The following METTL16 variants were observed in gnomAD, a reference collection of about 807,000 sequenced individuals.
METTL16 encodes the protein RNA N(6)-adenosine-methyltransferase METTL16.
Under a neutral mutation model 57.9 loss-of-function variants are expected in METTL16, and 19 were observed. The observed-to-expected ratio is 0.33, with a 90% CI of 0.23 to 0.48. METTL16 has a LOEUF of 0.48. METTL16 is among the 20% of genes least tolerant of loss of function. The probability of loss-of-function intolerance (pLI) is 0.99; values close to 1 mark genes in which losing one functional copy is unlikely to be tolerated. For missense variants in METTL16, 434 were observed against 691.5 expected (o/e 0.63, Z 4.18); for synonymous variants, 246 against 255.6 (o/e 0.96, Z 0.36).
intron 8 of METTL16, among the ~76,000 whole-genome samples, chr17:2,428,544 A>T (rs2066837956): frequency 1.7e-5 from 1 of 58,908 alleles, no homozygotes; most frequent in East Asian, 5.4e-4. Flanking sequence ...AAAAAAAAAA[A>T]AAAAAAAAAA....
At chr17:2,448,631 A>G (rs1218409080) in intron 6 of METTL16, among the ~76,000 whole-genome samples, 1 of 102,780 alleles carries the variant, frequency 9.7e-6, no homozygotes, top group Non-Finnish European at 1.9e-5. Flanking sequence ...TCCTCTGCCT[A>G]GGAAAACCAG....
intron 8 of METTL16, among the ~76,000 whole-genome samples, chr17:2,423,867 C>T (rs1372954822): frequency 1.3e-5 from 2 of 152,178 alleles, no homozygotes; most frequent in Admixed American, 6.5e-5. Flanking sequence ...GAAAATACAT[C>T]TTTACCAACC....
At chr17:2,447,758 G>T (rs1474059707) in intron 6 of METTL16, among the ~76,000 whole-genome samples, 9 of 136,100 alleles carry the variant, frequency 6.6e-5, no homozygotes, top group Non-Finnish European at 1.4e-4. Flanking sequence ...GGAGGTGGGG[G>T]GATCAGCCCC....
intron 8 of METTL16, among the ~76,000 whole-genome samples, chr17:2,423,261 GGT>G (rs58486923): frequency 0.068 from 9,706 of 143,584 alleles, 318 homozygotes; most frequent in Non-Finnish European, 0.083. Context: ...AAAAACAAAG[GGT>G]GTGTGTGTGT....
At chr17:2,499,184 C>G (rs1398803573) in intron 2 of METTL16, among the ~76,000 whole-genome samples, 1 of 151,564 alleles carries the variant, frequency 6.6e-6, no homozygotes, top group African/African-American at 2.4e-5. Flanking sequence ...TATAAACTAG[C>G]GTGTGACTGT....
chr17:2,428,564 A>ATAT (rs1293636939), intron 8 of METTL16, among the ~76,000 whole-genome samples: 1 of 31,336 alleles, frequency 3.2e-5, no homozygotes, highest in Non-Finnish European at 5.0e-5. Context: ...AAAAAAAAAA[A>ATAT]ATATATATAT....
intron 3 of METTL16, among the ~76,000 whole-genome samples, chr17:2,475,928 T>C (rs1456477549): frequency 6.6e-6 from 1 of 152,182 alleles, no homozygotes; most frequent in East Asian, 1.9e-4. Context: ...CCAACTAGGC[T>C]GTCAAGCTTT....
At chr17:2,486,697 G>A (rs2067343948) in intron 2 of METTL16, among the ~76,000 whole-genome samples, 1 of 152,010 alleles carries the variant, frequency 6.6e-6, no homozygotes. Flanking sequence ...TAAAGGCTGG[G>A]TGTGGTGGCT....
At chr17:2,422,496 C>G (rs1405760538) in intron 8 of METTL16, among the ~76,000 whole-genome samples, 1 of 151,982 alleles carries the variant, frequency 6.6e-6, no homozygotes, top group South Asian at 2.1e-4. Flanking sequence ...TCTCCTGCCT[C>G]AGCCTCCCAA....
At chr17:2,482,457 ATGTAAGTGTT>A (rs1197162827) in intron 2 of METTL16, among the ~76,000 whole-genome samples, 2 of 152,220 alleles carry the variant, frequency 1.3e-5, no homozygotes, top group African/African-American at 4.8e-5. Flanking sequence ...ACATAATAAA[ATGTAAGTGTT>A]TACAAACCAC....
At chr17:2,421,312 G>A (rs749260695) in intron 8 of METTL16, among the ~76,000 whole-genome samples, 3 of 151,966 alleles carry the variant, frequency 2.0e-5, no homozygotes, top group Non-Finnish European at 2.9e-5. Flanking sequence ...CTCTGATTGC[G>A]CCACCGCAAT....
intron 2 of METTL16, among the ~76,000 whole-genome samples, chr17:2,479,796 G>C (rs2067291916): frequency 6.6e-6 from 1 of 152,110 alleles, no homozygotes; most frequent in African/African-American, 2.4e-5. Flanking sequence ...TTCTAGTATG[G>C]AAGTTAGGAG....
chr17:2,426,555 C>T (rs936251715), intron 8 of METTL16, among the ~76,000 whole-genome samples: 1 of 151,082 alleles, frequency 6.6e-6, no homozygotes, highest in Admixed American at 6.6e-5. Context: ...ATGGTGAAAC[C>T]CCATCTCTAC....
rs1567876454 is a variant in METTL16, at chr17:2,417,087, A to ATTTTTTTTTTTTTTTT, written c.*2882_*2883insAAAAAAAAAAAAAAAA. On this transcript the variant is annotated 3_prime_UTR_variant, in exon 10 of 10. Transcript: ENST00000263092. ...TTTTTTTTTTTTTTTTTTTTTTTTG[A>ATTTTTTTTTTTTTTTT]GACAGTCCCACTTTGTCGCCCAGGC... 1 of 11,366 alleles carries ATTTTTTTTTTTTTTTT rather than the reference A, an allele frequency of 8.8e-5. No homozygotes were observed. Among genetic ancestry groups the ATTTTTTTTTTTTTTTT allele is most frequent in the African/African-American group, 3.0e-4 (1 of 3,386 alleles). 0.7% of individuals were successfully genotyped at this position (11,366 alleles called of 1,614,324 possible).
At chr17:2,458,549 TA>T (rs1479084593) in intron 6 of METTL16, among the ~76,000 whole-genome samples, 4 of 152,050 alleles carry the variant, frequency 2.6e-5, no homozygotes, top group African/African-American at 9.6e-5. Context: ...CTGACTCTAA[TA>T]AAAATACAAA....
At chr17:2,500,718 T>C (rs1329960638) in intron 2 of METTL16, among the ~76,000 whole-genome samples, 1 of 152,230 alleles carries the variant, frequency 6.6e-6, no homozygotes, top group African/African-American at 2.4e-5. Flanking sequence ...GGAATGCAGT[T>C]AGAGATAGTT....
At chr17:2,479,632 G>C (rs2067290545) in intron 2 of METTL16, among the ~76,000 whole-genome samples, 1 of 152,062 alleles carries the variant, frequency 6.6e-6, no homozygotes, top group Admixed American at 6.6e-5. Flanking sequence ...CCCCTGCCTG[G>C]TCATCAAATG....
At chr17:2,422,225 T>C (rs1012822128) in intron 8 of METTL16, among the ~76,000 whole-genome samples, 1 of 151,504 alleles carries the variant, frequency 6.6e-6, no homozygotes. Context: ...GGCAGAAGAA[T>C]TGCTTGAACC....
In METTL16 at chr17:2,451,844, GAAC is replaced by G. The variant is rs948174772; in HGVS notation, c.729-10288_729-10286del. ...CTATCAGAAGCCAAGAAGCGGCACA[GAAC>G]AACAAAAAAAGATACTGGCTTGGCG... On this transcript the variant is annotated intron_variant, in intron 6 of 9. Coordinates refer to ENST00000263092, the MANE Select transcript of METTL16 (RefSeq NM_024086.4). 5.9e-5 allele frequency among the ~76,000 whole-genome samples: 9 copies of G among 151,908 alleles called. No individual in the cohort carries two copies. In the East Asian group the frequency reaches 7.7e-4, roughly 13 times the overall value.
Sources: allele counts gnomAD v4.1 joint callset (sites outside exome capture counted in the v4.1 genomes callset), GRCh38; gene constraint gnomAD v4.1.1; transcripts MANE v1.5; gene names NCBI Gene and HGNC (gene_info 2026-07-23, HGNC 2026-07-21).